Variants in NCKAP5 observed in about 807,000 individuals in gnomAD.
NCKAP5 encodes NCK associated protein 5.
A neutral mutation model predicts 167.0 loss-of-function variants in NCKAP5; 92 were observed. The ratio of observed to expected loss-of-function variants is 0.55; its 90% confidence interval spans 0.47 to 0.66. The LOEUF (loss-of-function observed/expected upper bound fraction) is 0.66. NCKAP5 is among the 30% of genes least tolerant of loss of function. The pLI, the probability that NCKAP5 is intolerant of heterozygous loss-of-function variation, is 0.00. For missense variants in NCKAP5, 2,378 were observed against 2,315.0 expected, an observed-to-expected ratio of 1.03 and a Z score of -0.56; for synonymous variants, 891 against 877.4, an observed-to-expected ratio of 1.02 and a Z score of -0.27.
chr2:133,617,804 T>C, the NCKAP5 span, among the ~76,000 whole-genome samples: 1 of 151,078 alleles, frequency 6.6e-6, no homozygotes, highest in Admixed American at 6.6e-5. Context: ...AAAAAACTAC[T>C]TTAAAATTCA....
At chr2:132,844,190 T>C (rs984683673) in intron 11 of NCKAP5, among the ~76,000 whole-genome samples, 10 of 152,160 alleles carry the variant, frequency 6.6e-5, no homozygotes, top group Non-Finnish European at 1.5e-4. Context: ...TAAAGGTACA[T>C]GTGTTCTCAC....
intron 3 of NCKAP5, among the ~76,000 whole-genome samples, chr2:133,415,060 C>T (rs1011897714): frequency 1.3e-5 from 2 of 152,152 alleles, no homozygotes; most frequent in Non-Finnish European, 2.9e-5. Flanking sequence ...ACAGGCCAAG[C>T]GGCTGCTGTC....
chr2:132,733,476 C>T (rs982520916), intron 16 of NCKAP5, among the ~76,000 whole-genome samples: 3 of 152,174 alleles, frequency 2.0e-5, no homozygotes, highest in Admixed American at 1.3e-4. Context: ...TTTAGCCTCT[C>T]GAGGTCTAAG....
At chr2:133,601,126 C>T in the NCKAP5 span, among the ~76,000 whole-genome samples, 1 of 152,196 alleles carries the variant, frequency 6.6e-6, no homozygotes, top group African/African-American at 2.4e-5. Context: ...GCCTCAGCCT[C>T]CCAGGGGAGT....
intron 3 of NCKAP5, among the ~76,000 whole-genome samples, chr2:133,464,505 CGGT>C (rs1264856109): frequency 6.6e-6 from 1 of 151,880 alleles, no homozygotes; most frequent in Non-Finnish European, 1.5e-5. Context: ...CCGGCTAACA[CGGT>C]GAAACCCAGT....
intron 4 of NCKAP5, among the ~76,000 whole-genome samples, chr2:133,294,150 G>A (rs2150528050): frequency 6.6e-6 from 1 of 152,262 alleles, no homozygotes; most frequent in South Asian, 2.1e-4. Context: ...TTCCTCTTGA[G>A]GGATTTAAAA....
chr2:132,736,156 GGTGTGGACA>G (rs1691483974), intron 16 of NCKAP5, among the ~76,000 whole-genome samples: 1 of 152,132 alleles, frequency 6.6e-6, no homozygotes, highest in Non-Finnish European at 1.5e-5. Flanking sequence ...TATGAAGTGA[GGTGTGGACA>G]GTCAGGGGCT....
the NCKAP5 span, among the ~76,000 whole-genome samples, chr2:133,613,411 G>A: frequency 6.6e-6 from 1 of 152,064 alleles, no homozygotes; most frequent in Non-Finnish European, 1.5e-5. Context: ...TTACTTTTAG[G>A]CCAAAACTAA....
At chr2:132,699,543 T>C (rs1687680003) in intron 19 of NCKAP5, among the ~76,000 whole-genome samples, 1 of 152,054 alleles carries the variant, frequency 6.6e-6, no homozygotes, top group South Asian at 2.1e-4. Flanking sequence ...AGTGTTCTCA[T>C]TGTTCAATTC....
At chr2:132,764,009 A>G (rs928941055) in intron 16 of NCKAP5, among the ~76,000 whole-genome samples, 1 of 152,226 alleles carries the variant, frequency 6.6e-6, no homozygotes, top group African/African-American at 2.4e-5. Context: ...AATATTTTAC[A>G]GGAGTGAAAA....
At chr2:133,169,569 G>T (rs1241677212) in intron 5 of NCKAP5, among the ~76,000 whole-genome samples, 1 of 152,158 alleles carries the variant, frequency 6.6e-6, no homozygotes, top group African/African-American at 2.4e-5. Context: ...TAAGCATTCA[G>T]ACTCCACTTG....
intron 3 of NCKAP5, among the ~76,000 whole-genome samples, chr2:133,499,838 G>A (rs1365435380): frequency 6.6e-6 from 1 of 152,180 alleles, no homozygotes; most frequent in Non-Finnish European, 1.5e-5. Context: ...GATTACAGGC[G>A]TGAGCCACCG....
intron 3 of NCKAP5, among the ~76,000 whole-genome samples, chr2:133,464,196 A>G (rs1238589482): frequency 1.3e-5 from 2 of 152,226 alleles, no homozygotes; most frequent in Non-Finnish European, 2.9e-5. Flanking sequence ...GAACAGAAAG[A>G]CAGAAACACA....
Position 132,784,500 on chromosome 2 carries a change from G to T in NCKAP5, c.2311C>A (p.Gln771Lys). 1.3e-6 allele frequency: 2 copies of T among 1,571,530 alleles called. No homozygotes were observed. The highest frequency in any genetic ancestry group is 8.6e-7 in the Non-Finnish European group (1 of 1,159,872). Residue 771 changes from glutamine (Q) to lysine (K), a missense_variant, in exon 14 of 20, where the codon CAA (glutamine) becomes AAA (lysine). Around this residue, in one of 3 missense-constraint regions of NCKAP5, gnomAD observed 1,049 missense variants for 1,023.4 expected, o/e 1.02. Transcript: ENST00000409261. ...TTGTGTGTTGGTTTGACCAGCTTTT[G>T]CTGCTGAGGATTTTGTGTCACTGTC... is the stretch of plus-strand genomic sequence containing the variant. ...SRTVTQNPQQ[Q>K]KLVKPTHNIS...
the NCKAP5 span, among the ~76,000 whole-genome samples, chr2:133,627,540 C>T: frequency 3.6e-4 from 55 of 152,186 alleles, no homozygotes; most frequent in Non-Finnish European, 3.2e-4. Context: ...CTGGGGAGAT[C>T]GAGGCAGGTG....
At chr2:133,299,119 T>C (rs1574637372) in intron 4 of NCKAP5, among the ~76,000 whole-genome samples, 1 of 152,270 alleles carries the variant, frequency 6.6e-6, no homozygotes, top group East Asian at 1.9e-4. Flanking sequence ...ATTTTTGTTG[T>C]ATCCTACCAG....
the NCKAP5 span, among the ~76,000 whole-genome samples, chr2:133,575,815 C>A: frequency 1.3e-5 from 2 of 152,224 alleles, no homozygotes; most frequent in African/African-American, 4.8e-5. Context: ...CTTTCCCTGT[C>A]CAGCTCATCC....
At chr2:133,457,657 A>G (rs1297363224) in intron 3 of NCKAP5, among the ~76,000 whole-genome samples, 1 of 152,162 alleles carries the variant, frequency 6.6e-6, no homozygotes, top group Non-Finnish European at 1.5e-5. Flanking sequence ...ATTAACACTC[A>G]TGGGTTGCCA....
At chr2:133,140,796 C>T (rs922746946) in intron 5 of NCKAP5, among the ~76,000 whole-genome samples, 1 of 148,482 alleles carries the variant, frequency 6.7e-6, no homozygotes, top group Non-Finnish European at 1.5e-5. Flanking sequence ...ATTATATTAA[C>T]ATTAATAAAA....
Sources: gnomAD v4.1 joint callset for allele counts (sites outside exome capture counted in the v4.1 genomes callset) on GRCh38, gnomAD v4.1.1 for gene constraint, gnomAD v4.1.1 regional missense constraint, MANE v1.5 for transcripts, NCBI Gene and HGNC (gene_info 2026-07-23, HGNC 2026-07-21) for gene names.